The following CPNE8 variants were observed in gnomAD, a reference collection of about 807,000 sequenced individuals.
The protein encoded by CPNE8 is copine-8.
A neutral mutation model predicts 81.5 loss-of-function variants in CPNE8; 45 were observed. The observed-to-expected ratio is 0.55, with a 90% CI of 0.44 to 0.71. The LOEUF is 0.71. Among genes scored for constraint, CPNE8 ranks in the 30% least tolerant of loss-of-function variants. The pLI is 0.00. For synonymous variants in CPNE8, 252 were observed against 226.3 expected (o/e 1.11, Z -1.02); for missense variants, 594 against 672.1 (o/e 0.88, Z 1.28).
intron 10 of CPNE8, among the ~76,000 whole-genome samples, chr12:38,754,378 T>C (rs961284475): frequency 2.6e-5 from 4 of 152,010 alleles, no homozygotes; most frequent in African/African-American, 9.7e-5. Context: ...CTCTGAAACA[T>C]TATCTGAAAG....
At chr12:38,840,578 C>T (rs1001697832) in intron 4 of CPNE8, among the ~76,000 whole-genome samples, 4 of 152,224 alleles carry the variant, frequency 2.6e-5, no homozygotes, top group Middle Eastern at 3.4e-3. Flanking sequence ...AATTATTTAA[C>T]AAACAGATCC....
At chr12:38,844,408 A>G (rs1943520255) in intron 4 of CPNE8, among the ~76,000 whole-genome samples, 1 of 152,176 alleles carries the variant, frequency 6.6e-6, no homozygotes, top group Non-Finnish European at 1.5e-5. Flanking sequence ...AGGAACCTGT[A>G]TTATCATCAG....
At chr12:38,863,349 A>G (rs1421572470) in intron 3 of CPNE8, among the ~76,000 whole-genome samples, 1 of 152,214 alleles carries the variant, frequency 6.6e-6, no homozygotes, top group East Asian at 1.9e-4. Flanking sequence ...TCCTATAATG[A>G]AATGTCCAGA....
intron 15 of CPNE8, among the ~76,000 whole-genome samples, chr12:38,687,396 T>C (rs1000600500): frequency 6.0e-4 from 88 of 145,604 alleles, no homozygotes; most frequent in Non-Finnish European, 9.9e-4. Context: ...TTTTTTTTTT[T>C]TGTGAGACGG....
chr12:38,877,953 G>A (rs927601750), intron 1 of CPNE8, among the ~76,000 whole-genome samples: 1 of 152,102 alleles, frequency 6.6e-6, no homozygotes, highest in Non-Finnish European at 1.5e-5. Flanking sequence ...TGATAAAACA[G>A]GTTGCAGTAA....
chr12:38,692,818 C>A (rs1435332967), intron 15 of CPNE8, among the ~76,000 whole-genome samples: 2 of 152,168 alleles, frequency 1.3e-5, no homozygotes, highest in African/African-American at 4.8e-5. Context: ...AAGGTTAATT[C>A]CTCTACCTTG....
At position 38,654,023 on chromosome 12, in the gene CPNE8, C is replaced by A; in HGVS notation, c.1554G>T (p.Leu518=). 1 of 1,612,796 alleles carries A rather than the reference C, an allele frequency of 6.2e-7. No homozygotes were observed. Among genetic ancestry groups the A allele is most frequent in the South Asian group, 1.1e-5 (1 of 90,842 alleles). Residue 518 remains leucine, a synonymous_variant, in exon 20 of 20, where the codon CTG becomes CTT. Transcript: ENST00000331366. ...DYIDRSGNHI[L]SMARLAKDVL... is the part of the protein sequence containing the mutation. ...CATCTTTAGCCAATCTAGCCATGCTCAGTATGTGGTTTCCACTTCTGTCAA... is the reference window on the plus strand; with the variant it reads ...CATCTTTAGCCAATCTAGCCATGCTAAGTATGTGGTTTCCACTTCTGTCAA...
At chr12:38,815,205 G>T (rs1943005277) in intron 6 of CPNE8, among the ~76,000 whole-genome samples, 1 of 152,152 alleles carries the variant, frequency 6.6e-6, no homozygotes, top group African/African-American at 2.4e-5. Flanking sequence ...CATCTGCAAT[G>T]TTCTGTGACC....
At chr12:38,778,913 C>T (rs1169793603) in intron 6 of CPNE8, among the ~76,000 whole-genome samples, 1 of 152,074 alleles carries the variant, frequency 6.6e-6, no homozygotes, top group Non-Finnish European at 1.5e-5. Flanking sequence ...AGGGTCATTG[C>T]ACATGTCAAG....
intron 3 of CPNE8, 80 bp downstream of exon 3, chr12:38,872,924 T>C (rs974554936): frequency 2.5e-6 from 2 of 807,550 alleles, no homozygotes; most frequent in Non-Finnish European, 4.1e-6. Flanking sequence ...CAATGGAAAA[T>C]AGAAAGTATC....
chr12:38,830,248 T>G (rs748341249), intron 5 of CPNE8, among the ~76,000 whole-genome samples: 1 of 152,182 alleles, frequency 6.6e-6, no homozygotes, highest in Non-Finnish European at 1.5e-5. Context: ...AAACATCTCA[T>G]GTACCTCATA....
At chr12:38,738,484 A>G (rs759891696) in intron 10 of CPNE8, among the ~76,000 whole-genome samples, 28 of 152,254 alleles carry the variant, frequency 1.8e-4, no homozygotes, top group Non-Finnish European at 3.5e-4. Flanking sequence ...TAATTCACAA[A>G]TTTTGATTTT....
At chr12:38,710,124 A>G (rs529901541) in intron 13 of CPNE8, among the ~76,000 whole-genome samples, 44 of 152,062 alleles carry the variant, frequency 2.9e-4, no homozygotes, top group Non-Finnish European at 5.4e-4. Context: ...ACACAATACT[A>G]CTACTCCAAA....
At chr12:38,785,628 C>T (rs1189755918) in intron 6 of CPNE8, among the ~76,000 whole-genome samples, 1 of 152,180 alleles carries the variant, frequency 6.6e-6, no homozygotes. Context: ...GAGGCCTCCC[C>T]AGCCACGTGG....
chr12:38,871,745 G>A (rs774303941), intron 3 of CPNE8, among the ~76,000 whole-genome samples: 1 of 152,126 alleles, frequency 6.6e-6, no homozygotes, highest in African/African-American at 2.4e-5. Context: ...TATTTTGGCT[G>A]GTAGTTTTAG....
chr12:38,684,414 G>T (rs1184027700), intron 16 of CPNE8, among the ~76,000 whole-genome samples: 1 of 151,990 alleles, frequency 6.6e-6, no homozygotes, highest in Non-Finnish European at 1.5e-5. Context: ...TATGTACAGG[G>T]TTAATATATA....
At chr12:38,679,700 A>G (rs963209539) in intron 16 of CPNE8, 42 of 984,856 alleles carry the variant, frequency 4.3e-5, no homozygotes, top group Non-Finnish European at 4.9e-5. Flanking sequence ...ACATTGTTGC[A>G]CTTTGAAAGT....
rs955468597 is a variant in CPNE8, at chr12:38,800,013, C to T, written c.408-23712G>A. Among the ~76,000 whole-genome samples the T allele has an allele frequency of 3.6e-5, 5 of 139,902 alleles. No homozygotes were observed. The East Asian group carries it at 6.3e-4, about 18-fold the overall frequency. The allele number at this position is 139,902 out of a possible 152,430, so 91.8% of individuals were successfully genotyped here. ...CCTGGCTCAGAGGGTCCTACGCCCA[C>T]GGAATCTCGCTGATTGCTAGCACAG... On this transcript the variant is annotated intron_variant, in intron 6 of 19. Coordinates refer to ENST00000331366, the MANE Select transcript of CPNE8 (RefSeq NM_153634.3).
intron 15 of CPNE8, among the ~76,000 whole-genome samples, chr12:38,692,095 C>T (rs1393346669): frequency 6.6e-6 from 1 of 152,004 alleles, no homozygotes; most frequent in African/African-American, 2.4e-5. Context: ...AGTTTGAGAC[C>T]AGCCTGGCCA....
Sources: allele counts gnomAD v4.1 joint callset (sites outside exome capture counted in the v4.1 genomes callset), GRCh38; gene constraint gnomAD v4.1.1; transcripts MANE v1.5; gene names NCBI Gene and HGNC (gene_info 2026-07-23, HGNC 2026-07-21).